The following SNTG1 variants were observed in gnomAD, a reference collection of about 807,000 sequenced individuals.
The protein encoded by SNTG1 is syntrophin gamma 1.
Under a neutral mutation model 74.7 loss-of-function variants are expected in SNTG1, and 39 were observed. That is an observed-to-expected ratio of 0.52 (90% CI 0.40 to 0.68). SNTG1 has a LOEUF of 0.68. SNTG1 is among the 30% of genes least tolerant of loss of function. The probability of loss-of-function intolerance (pLI) is 0.00; values close to 1 mark genes in which losing one functional copy is unlikely to be tolerated. For missense variants in SNTG1, 685 were observed against 609.5 expected (o/e 1.12, Z -1.30); for synonymous variants, 254 against 217.1 (o/e 1.17, Z -1.49).
intron 2 of SNTG1, among the ~76,000 whole-genome samples, chr8:50,295,347 T>TA (rs2089312082): frequency 6.6e-6 from 1 of 152,208 alleles, no homozygotes; most frequent in Non-Finnish European, 1.5e-5. Flanking sequence ...TTCATAATAC[T>TA]TCTATATCTC....
At chr8:50,365,646 A>T (rs949792896) in intron 2 of SNTG1, among the ~76,000 whole-genome samples, 1 of 152,082 alleles carries the variant, frequency 6.6e-6, no homozygotes, top group African/African-American at 2.4e-5. Flanking sequence ...AGGAGAATGG[A>T]TACAGCAAAT....
intron 1 of SNTG1, among the ~76,000 whole-genome samples, chr8:50,162,132 A>C (rs915606994): frequency 6.6e-6 from 1 of 152,146 alleles, no homozygotes; most frequent in Non-Finnish European, 1.5e-5. Flanking sequence ...GCAGGACAAA[A>C]TAAGGAATTG....
intron 2 of SNTG1, among the ~76,000 whole-genome samples, chr8:50,177,842 C>A (rs1435377263): frequency 6.6e-6 from 1 of 152,116 alleles, no homozygotes; most frequent in Non-Finnish European, 1.5e-5. Context: ...GTTTCACCAC[C>A]CAAAAATATC....
At chr8:50,751,967 C>G in intron 17 of SNTG1, 34 bp from the exon 18 acceptor site, 1 of 1,300,504 alleles carries the variant, frequency 7.7e-7, no homozygotes, top group East Asian at 2.7e-5. Flanking sequence ...ATATTAATTC[C>G]ACCGACTTAC....
intron 1 of SNTG1, among the ~76,000 whole-genome samples, chr8:49,978,915 G>C (rs1812422912): frequency 6.6e-6 from 1 of 152,176 alleles, no homozygotes; most frequent in Non-Finnish European, 1.5e-5. Context: ...CTAGACGTCA[G>C]TGTCACTAAC....
chr8:50,627,349 A>C (rs1405190812), intron 13 of SNTG1, among the ~76,000 whole-genome samples: 1 of 152,214 alleles, frequency 6.6e-6, no homozygotes, highest in African/African-American at 2.4e-5. Context: ...TAAAGCTGCT[A>C]TAAACAAGGC....
intron 17 of SNTG1, among the ~76,000 whole-genome samples, chr8:50,744,406 C>T (rs1274967004): frequency 6.6e-6 from 1 of 151,834 alleles, no homozygotes; most frequent in Non-Finnish European, 1.5e-5. Flanking sequence ...ATACTAAAAT[C>T]TACAGAAAAT....
At chr8:50,692,824 G>C (rs1259074950) in intron 15 of SNTG1, among the ~76,000 whole-genome samples, 1 of 152,192 alleles carries the variant, frequency 6.6e-6, no homozygotes. Context: ...CTGTCTTTTT[G>C]TTTGTTTGTG....
At chr8:49,984,140 C>T (rs1159777029) in intron 1 of SNTG1, among the ~76,000 whole-genome samples, 1 of 152,020 alleles carries the variant, frequency 6.6e-6, no homozygotes, top group East Asian at 1.9e-4. Flanking sequence ...CTTGTTTTTA[C>T]TATTTCTAAA....
chr8:50,634,870 T>A (rs2095028793), intron 13 of SNTG1, among the ~76,000 whole-genome samples: 1 of 152,332 alleles, frequency 6.6e-6, no homozygotes, highest in South Asian at 2.1e-4. Flanking sequence ...ACCAAAAATA[T>A]GTTTTCCATT....
intron 1 of SNTG1, among the ~76,000 whole-genome samples, chr8:50,015,441 CAGA>C (rs1816220748): frequency 6.6e-6 from 1 of 151,812 alleles, no homozygotes; most frequent in East Asian, 1.9e-4. Context: ...CAGACATTCA[CAGA>C]AGGAGAAGAG....
At chr8:50,282,757 T>C (rs1250094154) in intron 2 of SNTG1, among the ~76,000 whole-genome samples, 1 of 151,906 alleles carries the variant, frequency 6.6e-6, no homozygotes, top group Non-Finnish European at 1.5e-5. Flanking sequence ...CAGAAGAGAC[T>C]CTGTCCATCT....
At chr8:50,671,609 G>C (rs2095283205) in intron 15 of SNTG1, among the ~76,000 whole-genome samples, 2 of 152,088 alleles carry the variant, frequency 1.3e-5, no homozygotes, top group African/African-American at 4.8e-5. Context: ...CTGTAAACTA[G>C]TTCAACCATT....
At chr8:49,959,224 C>T (rs10957710) in intron 1 of SNTG1, among the ~76,000 whole-genome samples, 78,940 of 152,154 alleles carry the variant, frequency 0.52, 24,077 homozygotes, top group East Asian at 0.81. Context: ...TTTCTCCTCC[C>T]TCCTTGCTGT....
chr8:50,619,449 G>A (rs2094906174), intron 13 of SNTG1, among the ~76,000 whole-genome samples: 1 of 151,988 alleles, frequency 6.6e-6, no homozygotes, highest in South Asian at 2.1e-4. Context: ...TGGCTCACAG[G>A]GGCCGGGCAA....
intron 1 of SNTG1, among the ~76,000 whole-genome samples, chr8:50,168,298 T>C (rs2082694132): frequency 3.3e-5 from 5 of 152,110 alleles, no homozygotes; most frequent in Admixed American, 2.6e-4. Flanking sequence ...ATAAAGACAA[T>C]CAAATGTAAA....
Position 50,016,692 on chromosome 8 carries a change from CTAACA to C in SNTG1, c.-103+104465_-103+104469del, listed in dbSNP as rs1816348642. ...AAAATTGCTTGAATTTGCTTTTTGT[CTAACA>C]TAATTTCTGTAGTCTAAAATAAACA... On this transcript the variant is annotated intron_variant, in intron 1 of 18. Coordinates refer to ENST00000642720, the MANE Select transcript of SNTG1 (RefSeq NM_018967.5). 2.0e-5 allele frequency among the ~76,000 whole-genome samples: 3 copies of C among 152,060 alleles called. No individual in the cohort carries two copies. In the South Asian group the frequency reaches 6.2e-4, roughly 31 times the overall value.
intron 13 of SNTG1, among the ~76,000 whole-genome samples, chr8:50,597,388 T>C (rs1010365504): frequency 5.0e-4 from 48 of 96,308 alleles, no homozygotes; most frequent in South Asian, 1.9e-3. Context: ...TACACATATA[T>C]ACATATATAC....
At chr8:50,108,711 C>G (rs2080473445) in intron 1 of SNTG1, among the ~76,000 whole-genome samples, 1 of 152,098 alleles carries the variant, frequency 6.6e-6, no homozygotes, top group African/African-American at 2.4e-5. Flanking sequence ...TTGTTAAAAT[C>G]CTACTATGTC....
Sources: gnomAD v4.1 joint callset for allele counts (sites outside exome capture counted in the v4.1 genomes callset) on GRCh38, gnomAD v4.1.1 for gene constraint, MANE v1.5 for transcripts, NCBI Gene and HGNC (gene_info 2026-07-23, HGNC 2026-07-21) for gene names.